Variants in MRPS28 observed in about 807,000 individuals in gnomAD.
MRPS28 encodes the protein mitochondrial ribosomal protein S28, also known as small ribosomal subunit protein bS1m.
Under a neutral mutation model 10.8 loss-of-function variants are expected in MRPS28, and 7 were observed. That is an observed-to-expected ratio of 0.65 (90% confidence interval 0.37 to 1.22). The LOEUF is 1.22. Ranked by LOEUF, MRPS28 falls within the 50% of genes most tolerant of loss-of-function variation. The pLI, the probability that MRPS28 is intolerant of heterozygous loss-of-function variation, is 0.02. For synonymous variants in MRPS28, 121 were observed against 93.3 expected, an observed-to-expected ratio of 1.30 and a Z score of -1.71; for missense variants, 265 against 232.9, an observed-to-expected ratio of 1.14 and a Z score of -0.90.
chr8:80,003,589 T>A (rs1267882092), intron 1 of MRPS28, among the ~76,000 whole-genome samples: 1 of 152,138 alleles, frequency 6.6e-6, no homozygotes, highest in Non-Finnish European at 1.5e-5. Context: ...AGACAGGTGA[T>A]TTCTGCATTT....
chr8:80,011,383 T>C (rs531434994), intron 1 of MRPS28, among the ~76,000 whole-genome samples: 1 of 139,452 alleles, frequency 7.2e-6, no homozygotes, highest in East Asian at 2.2e-4. Flanking sequence ...CCTCTGTTCT[T>C]TTTCTTCTTT....
intron 2 of MRPS28, among the ~76,000 whole-genome samples, chr8:79,964,395 T>C (rs374810517): frequency 2.0e-5 from 3 of 152,238 alleles, no homozygotes; most frequent in Admixed American, 6.5e-5. Flanking sequence ...AGACAGATAC[T>C]TCCACTGGCT....
At chr8:80,010,203 G>A (rs967337951) in intron 1 of MRPS28, among the ~76,000 whole-genome samples, 1 of 152,052 alleles carries the variant, frequency 6.6e-6, no homozygotes, top group Non-Finnish European at 1.5e-5. Flanking sequence ...TCATTTTTGT[G>A]TATGGAGTGG....
chr8:79,995,762 T>C (rs973258465), intron 2 of MRPS28, among the ~76,000 whole-genome samples: 1 of 152,142 alleles, frequency 6.6e-6, no homozygotes, highest in Non-Finnish European at 1.5e-5. Context: ...TACACTAAAG[T>C]ACCCACACTT....
At chr8:79,944,079 A>G (rs973739200) in intron 2 of MRPS28, among the ~76,000 whole-genome samples, 3 of 152,240 alleles carry the variant, frequency 2.0e-5, no homozygotes, top group African/African-American at 7.2e-5. Context: ...ATTGGTGAAA[A>G]CAGTGGGCTA....
At chr8:79,998,150 T>C (rs1447049354) in intron 2 of MRPS28, among the ~76,000 whole-genome samples, 1 of 152,128 alleles carries the variant, frequency 6.6e-6, no homozygotes, top group Non-Finnish European at 1.5e-5. Flanking sequence ...AGTGCCTAGG[T>C]ATAGTACAGG....
At chr8:79,989,622 T>C (rs908074179) in intron 2 of MRPS28, among the ~76,000 whole-genome samples, 5 of 152,194 alleles carry the variant, frequency 3.3e-5, no homozygotes, top group South Asian at 2.1e-4. Flanking sequence ...TGCCTGAACA[T>C]GAACCCCGCA....
chr8:79,994,672 C>G (rs1808455123), intron 2 of MRPS28, among the ~76,000 whole-genome samples: 1 of 152,120 alleles, frequency 6.6e-6, no homozygotes, highest in African/African-American at 2.4e-5. Flanking sequence ...GAAATATGCT[C>G]CACACCTCTG....
chr8:79,993,723 G>A (rs1808423907), intron 2 of MRPS28, among the ~76,000 whole-genome samples: 1 of 152,126 alleles, frequency 6.6e-6, no homozygotes, highest in Non-Finnish European at 1.5e-5. Flanking sequence ...ATAAAAACAT[G>A]CATGCTTTTT....
intron 1 of MRPS28, among the ~76,000 whole-genome samples, chr8:80,016,445 A>C (rs1809197379): frequency 6.6e-6 from 1 of 152,032 alleles, no homozygotes; most frequent in Non-Finnish European, 1.5e-5. Flanking sequence ...AGAATTCTGT[A>C]CCCTGACAAG....
chr8:80,029,298 A>G (rs74870536), intron 1 of MRPS28, among the ~76,000 whole-genome samples: 1,999 of 152,342 alleles, frequency 0.013, 61 homozygotes, highest in African/African-American at 0.044. Flanking sequence ...AGTCTTGTGA[A>G]CTGTTTGGTA....
chr8:79,959,082 T>A (rs1807304571), intron 2 of MRPS28, among the ~76,000 whole-genome samples: 1 of 152,134 alleles, frequency 6.6e-6, no homozygotes, highest in African/African-American at 2.4e-5. Context: ...CTTCCCTCTT[T>A]CACAGTGTGA....
intron 1 of MRPS28, among the ~76,000 whole-genome samples, chr8:80,012,545 T>C (rs1413801565): frequency 6.6e-6 from 1 of 152,236 alleles, no homozygotes; most frequent in Non-Finnish European, 1.5e-5. Flanking sequence ...GCTGGATATG[T>C]ATCATAGAGC....
At chr8:80,002,943 G>T in intron 2 of MRPS28, 56 bp downstream of exon 2, 1 of 1,356,804 alleles carries the variant, frequency 7.4e-7, no homozygotes, top group South Asian at 1.7e-5. Flanking sequence ...CAATACTTTT[G>T]CGCTATCCCA....
At chr8:79,963,633 C>T (rs1211597703) in intron 2 of MRPS28, among the ~76,000 whole-genome samples, 1 of 152,120 alleles carries the variant, frequency 6.6e-6, no homozygotes, top group Non-Finnish European at 1.5e-5. Flanking sequence ...CCTCAAACAG[C>T]ACTGTTGACA....
chr8:79,919,861 A>G (rs1000096182), intron 2 of MRPS28, among the ~76,000 whole-genome samples: 6 of 151,986 alleles, frequency 3.9e-5, no homozygotes, highest in Admixed American at 2.0e-4. Flanking sequence ...GGTTTGTTAC[A>G]TATGTATACA....
In MRPS28 at chr8:79,984,921, G is replaced by A. The variant is rs531556099; in HGVS notation, c.395+18078C>T. On this transcript the variant is annotated intron_variant, in intron 2 of 2. Coordinates refer to ENST00000276585, the MANE Select transcript of MRPS28 (RefSeq NM_014018.3). Reference sequence around the variant, plus strand: ...AATTGAACTCAGCTTTGCACCACGCGGACCTAATACACATCTACAGAATTC... The same window carrying A: ...AATTGAACTCAGCTTTGCACCACGCAGACCTAATACACATCTACAGAATTC... Among the ~76,000 whole-genome samples the A allele has an allele frequency of 1.3e-4, 20 of 152,150 alleles. No homozygotes were observed. In the East Asian group the frequency reaches 2.9e-3, roughly 22 times the overall value.
intron 2 of MRPS28, among the ~76,000 whole-genome samples, chr8:79,961,815 A>T (rs1287045589): frequency 6.6e-6 from 1 of 152,182 alleles, no homozygotes; most frequent in Non-Finnish European, 1.5e-5. Context: ...AAACACCAGC[A>T]CTGAAAAATG....
intron 1 of MRPS28, among the ~76,000 whole-genome samples, chr8:80,016,301 G>A (rs1045782568): frequency 2.0e-5 from 3 of 151,716 alleles, no homozygotes; most frequent in African/African-American, 4.8e-5. Flanking sequence ...AGCTTGGGGG[G>A]AAAACAGCTT....
Sources: gnomAD v4.1 joint callset for allele counts (sites outside exome capture counted in the v4.1 genomes callset) on GRCh38, gnomAD v4.1.1 for gene constraint, MANE v1.5 for transcripts, NCBI Gene and HGNC (gene_info 2026-07-23, HGNC 2026-07-21) for gene names.